Variants in SEMA3A observed in about 807,000 individuals in gnomAD.
SEMA3A encodes the protein semaphorin 3A.
A neutral mutation model predicts 97.9 loss-of-function variants in SEMA3A; 29 were observed. The ratio of observed to expected loss-of-function variants is 0.30; its 90% CI spans 0.22 to 0.40. SEMA3A has a LOEUF of 0.40. SEMA3A is among the 10% of genes least tolerant of loss of function. The pLI is 1.00. For synonymous variants in SEMA3A, 321 were observed against 323.7 expected (o/e 0.99, Z 0.09); for missense variants, 763 against 951.3 (o/e 0.80, Z 2.60).
intron 1 of SEMA3A, among the ~76,000 whole-genome samples, chr7:84,177,845 ACTT>A (rs1483211168): frequency 2.0e-5 from 3 of 152,042 alleles, no homozygotes; most frequent in Non-Finnish European, 4.4e-5. Flanking sequence ...GTCATGATAA[ACTT>A]CTGGATATAA....
At chr7:84,385,878 A>T (rs531549022) in intron 1 of SEMA3A, among the ~76,000 whole-genome samples, 2 of 152,172 alleles carry the variant, frequency 1.3e-5, no homozygotes, top group Non-Finnish European at 2.9e-5. Context: ...ACCTTTTACA[A>T]TTCTACTTGC....
Position 84,376,392 on chromosome 7 carries a change from G to A in SEMA3A, c.-245-4492C>T, listed in dbSNP as rs1249550534. 4.3e-5 allele frequency among the ~76,000 whole-genome samples: 5 copies of A among 115,954 alleles called. 2 individuals are homozygous for A. Among genetic ancestry groups the A allele is most frequent in the South Asian group, 6.1e-4 (2 of 3,272 alleles). The allele number at this position is 115,954 out of a possible 152,430, so 76.1% of individuals were successfully genotyped here. On this transcript the variant is annotated intron_variant, in intron 1 of 3. Coordinates refer to the SEMA3A transcript ENST00000424555. The stretch of plus-strand genomic sequence containing the variant: ...CCAAGGCGGGCGGATCACGAGGTCA[G>A]GAGATCGAGACCATCCTGGCTAACA...
intron 1 of SEMA3A, among the ~76,000 whole-genome samples, chr7:84,393,050 A>G (rs1255241858): frequency 6.6e-6 from 1 of 152,122 alleles, no homozygotes. Context: ...TTATTTGGAT[A>G]TAATCGCATT....
In SEMA3A at chr7:84,082,802, G is replaced by C. The variant is rs527984410; in HGVS notation, c.454-22244C>G. ...AAAAAAGTAGAAAAACTACATTTTG[G>C]CTTTGGCAAAATTAAAATATTGCAG... On this transcript the variant is annotated intron_variant, in intron 4 of 16. Coordinates refer to ENST00000265362, the MANE Select transcript of SEMA3A (RefSeq NM_006080.3). Among the ~76,000 whole-genome samples, 87 of 151,918 alleles carry C rather than the reference G, an allele frequency of 5.7e-4. 1 individual carries two copies. In the Middle Eastern group the frequency reaches 0.024, roughly 42 times the overall value.
intron 1 of SEMA3A, among the ~76,000 whole-genome samples, chr7:84,144,497 A>C (rs894196026): frequency 6.6e-6 from 1 of 152,146 alleles, no homozygotes; most frequent in Non-Finnish European, 1.5e-5. Context: ...GAATCTACAG[A>C]TCGAAAAGTC....
At chr7:84,226,254 A>G (rs564742643) in intron 3 of SEMA3A, among the ~76,000 whole-genome samples, 5 of 152,190 alleles carry the variant, frequency 3.3e-5, no homozygotes, top group Middle Eastern at 3.4e-3. Context: ...GTTGTTGGGA[A>G]CAGAAAAGGT....
At chr7:84,435,849 A>G (rs537332520) in intron 1 of SEMA3A, among the ~76,000 whole-genome samples, 3 of 152,296 alleles carry the variant, frequency 2.0e-5, no homozygotes, top group South Asian at 4.1e-4. Context: ...GGAATCAAAA[A>G]AGAGCCAGAA....
intron 3 of SEMA3A, among the ~76,000 whole-genome samples, chr7:84,119,198 A>G (rs78838015): frequency 0.021 from 3,215 of 152,300 alleles, 107 homozygotes; most frequent in African/African-American, 0.073. Flanking sequence ...CATTGAATAC[A>G]TATGGAATAA....
intron 1 of SEMA3A, among the ~76,000 whole-genome samples, chr7:84,376,923 T>G (rs147612340): frequency 3.4e-4 from 52 of 152,296 alleles, no homozygotes; most frequent in Non-Finnish European, 7.2e-4. Flanking sequence ...TGGGTGATAA[T>G]CCATTATCAG....
At chr7:84,419,832 T>C (rs1467905130) in intron 1 of SEMA3A, among the ~76,000 whole-genome samples, 6 of 152,248 alleles carry the variant, frequency 3.9e-5, no homozygotes, top group African/African-American at 1.2e-4. Flanking sequence ...TAAGGCAGCA[T>C]TGTTAACAGC....
At chr7:84,294,435 A>C (rs1427548371) in intron 3 of SEMA3A, among the ~76,000 whole-genome samples, 1 of 152,128 alleles carries the variant, frequency 6.6e-6, no homozygotes, top group South Asian at 2.1e-4. Flanking sequence ...CCTTATTTAT[A>C]TGATTTGCTC....
chr7:83,979,705 TATATG>T (rs1349738483), intron 14 of SEMA3A, among the ~76,000 whole-genome samples: 6 of 152,200 alleles, frequency 3.9e-5, no homozygotes, highest in Non-Finnish European at 5.9e-5. Flanking sequence ...TTGTATTTCT[TATATG>T]ATATAATACT....
intron 1 of SEMA3A, among the ~76,000 whole-genome samples, chr7:84,141,131 C>T (rs963427790): frequency 6.6e-6 from 1 of 152,136 alleles, no homozygotes; most frequent in African/African-American, 2.4e-5. Flanking sequence ...CTGGTCAGTG[C>T]ATCTTGTCAT....
rs761341563 is a variant in SEMA3A at position 83,979,133 on chromosome 7, C to CT, written c.1653-1938dup. On this transcript the variant is annotated intron_variant, in intron 14 of 16. Coordinates refer to ENST00000265362, the MANE Select transcript of SEMA3A (RefSeq NM_006080.3). ...CATTTTAGTTCAAACACGAATTCCA[C>CT]TTTTTTTTTTTTTTTTTCGAGACAG... Among the ~76,000 whole-genome samples the CT allele has an allele frequency of 6.9e-3, 929 of 134,350 alleles. 4 individuals are homozygous for CT. Among genetic ancestry groups the CT allele is most frequent in the African/African-American group, 0.011 (419 of 37,062 alleles). The allele number at this position is 134,350 out of a possible 152,430, so 88.1% of individuals were successfully genotyped here. A position where few individuals can be genotyped will look rare whatever the true frequency, so the allele number is the denominator to read the frequency against.
chr7:84,307,730 G>T (rs1801195945), intron 2 of SEMA3A, among the ~76,000 whole-genome samples: 1 of 152,120 alleles, frequency 6.6e-6, no homozygotes, highest in African/African-American at 2.4e-5. Context: ...GACACTGTTA[G>T]TAAGTAACCG....
chr7:84,052,911 T>G (rs1301667590), intron 5 of SEMA3A, among the ~76,000 whole-genome samples: 1 of 151,854 alleles, frequency 6.6e-6, no homozygotes, highest in Non-Finnish European at 1.5e-5. Context: ...TGGTATGTTG[T>G]GTCTTTGTTC....
At chr7:84,108,158 A>T (rs1036561574) in intron 4 of SEMA3A, among the ~76,000 whole-genome samples, 1 of 152,142 alleles carries the variant, frequency 6.6e-6, no homozygotes, top group African/African-American at 2.4e-5. Flanking sequence ...AACTTTCACA[A>T]CTGTATGAGG....
At chr7:84,290,168 T>C (rs1800705392) in intron 3 of SEMA3A, among the ~76,000 whole-genome samples, 1 of 152,096 alleles carries the variant, frequency 6.6e-6, no homozygotes, top group South Asian at 2.1e-4. Context: ...TATTAGATTG[T>C]GATGATAATT....
intron 3 of SEMA3A, among the ~76,000 whole-genome samples, chr7:84,300,221 T>G (rs1377200494): frequency 3.3e-5 from 5 of 151,736 alleles, no homozygotes; most frequent in Non-Finnish European, 2.9e-5. Flanking sequence ...TTTTTAGGAC[T>G]AACAGACTAG....
Sources: gnomAD v4.1 joint callset for allele counts (sites outside exome capture counted in the v4.1 genomes callset) on GRCh38, gnomAD v4.1.1 for gene constraint, MANE v1.5 for transcripts, NCBI Gene and HGNC (gene_info 2026-07-23, HGNC 2026-07-21) for gene names.